Variants in SYTL3 observed in about 807,000 individuals in gnomAD.
SYTL3 encodes synaptotagmin-like protein 3.
Under a neutral mutation model 82.1 loss-of-function variants are expected in SYTL3, and 88 were observed. That is an observed-to-expected ratio of 1.07 (90% CI 0.90 to 1.28). The LOEUF (loss-of-function observed/expected upper bound fraction) is 1.28. Ranked by LOEUF, SYTL3 falls within the 50% of genes most tolerant of loss-of-function variation. The pLI is 0.00. For synonymous variants in SYTL3, 311 were observed against 289.4 expected (o/e 1.07, Z -0.76); for missense variants, 831 against 757.6 (o/e 1.10, Z -1.14).
intron 2 of SYTL3, among the ~76,000 whole-genome samples, chr6:158,652,380 C>T (rs1012769869): frequency 6.6e-6 from 1 of 152,116 alleles, no homozygotes; most frequent in Non-Finnish European, 1.5e-5. Context: ...TCCGAAGTAG[C>T]TGGGACTATA....
chr6:158,758,312 C>T (rs1448663562), intron 14 of SYTL3, among the ~76,000 whole-genome samples: 1 of 152,106 alleles, frequency 6.6e-6, no homozygotes, highest in Non-Finnish European at 1.5e-5. Flanking sequence ...GTGGTGCACG[C>T]CTGTAGTCCC....
chr6:158,702,926 G>A (rs981706286), intron 6 of SYTL3, among the ~76,000 whole-genome samples: 3 of 151,884 alleles, frequency 2.0e-5, no homozygotes, highest in Admixed American at 6.6e-5. Context: ...AGGCCGAGGC[G>A]GACGAATCAC....
At chr6:158,680,575 C>CAAAA (rs71297002) in intron 5 of SYTL3, among the ~76,000 whole-genome samples, 19,022 of 77,878 alleles carry the variant, frequency 0.24, 1,768 homozygotes, top group Middle Eastern at 0.31. Flanking sequence ...CCCGTCTCTA[C>CAAAA]AAAAAAAAAA....
At chr6:158,700,829 G>A (rs1030303921) in intron 6 of SYTL3, among the ~76,000 whole-genome samples, 2 of 152,094 alleles carry the variant, frequency 1.3e-5, no homozygotes, top group African/African-American at 4.8e-5. Flanking sequence ...TGTTAGCCAG[G>A]ATGGTCTCGA....
chr6:158,764,669 C>A lies in SYTL3; in HGVS notation c.*65C>A, dbSNP rs562298559. 8.4e-7 allele frequency: 1 copy of A among 1,192,882 alleles called. No individual in the cohort carries two copies. Among genetic ancestry groups the A allele is most frequent in the African/African-American group, 1.5e-5 (1 of 66,890 alleles). The allele number at this position is 1,192,882 out of a possible 1,614,324, so 73.9% of individuals were successfully genotyped here. Reference sequence around the variant, plus strand: ...GCACTGTGCGTCTGCAGAGGGGCTACGAACCAGGTGCAGGGTCCCAGCTGG... The same window carrying A: ...GCACTGTGCGTCTGCAGAGGGGCTAAGAACCAGGTGCAGGGTCCCAGCTGG... On this transcript the variant is annotated 3_prime_UTR_variant, in exon 18 of 18. Transcript: ENST00000611299.
intron 11 of SYTL3, among the ~76,000 whole-genome samples, chr6:158,729,167 T>C (rs912066985): frequency 6.6e-6 from 1 of 152,250 alleles, no homozygotes; most frequent in South Asian, 2.1e-4. Flanking sequence ...TTAACACTTG[T>C]GTTAGTCCAT....
chr6:158,674,093 A>ATAATAG (rs1265136957), intron 5 of SYTL3, among the ~76,000 whole-genome samples: 1 of 119,724 alleles, frequency 8.4e-6, no homozygotes, highest in Non-Finnish European at 1.6e-5. Flanking sequence ...CAAAATAATA[A>ATAATAG]TAATAATAAT....
chr6:158,736,946 T>C (rs1786256076), intron 11 of SYTL3, among the ~76,000 whole-genome samples: 2 of 151,984 alleles, frequency 1.3e-5, no homozygotes, highest in Admixed American at 6.6e-5. Flanking sequence ...GGCGATGTTA[T>C]TTTTCTTAAG....
intron 6 of SYTL3, among the ~76,000 whole-genome samples, chr6:158,693,849 T>A (rs117524645): frequency 0.014 from 1,024 of 75,694 alleles, 7 homozygotes; most frequent in South Asian, 0.019. Context: ...CCTTTCTTTT[T>A]CTTTTCTTTT....
chr6:158,724,512 C>T (rs1409080444), intron 10 of SYTL3, among the ~76,000 whole-genome samples: 2 of 152,258 alleles, frequency 1.3e-5, no homozygotes, highest in East Asian at 1.9e-4. Flanking sequence ...CCACCTTGCC[C>T]ATTGTGTTCC....
chr6:158,680,575 C>CAA (rs71297002), intron 5 of SYTL3, among the ~76,000 whole-genome samples: 3,106 of 78,178 alleles, frequency 0.04, 230 homozygotes, highest in African/African-American at 0.12. Flanking sequence ...CCCGTCTCTA[C>CAA]AAAAAAAAAA....
At chr6:158,672,864 G>A (rs1176044113) in intron 5 of SYTL3, among the ~76,000 whole-genome samples, 1 of 151,884 alleles carries the variant, frequency 6.6e-6, no homozygotes, top group Admixed American at 6.6e-5. Flanking sequence ...CAAACTCCTG[G>A]CCTCAAGTGA....
rs1429563288 is a variant in SYTL3 at position 158,760,717 on chromosome 6, G to A, written c.1386G>A (p.Arg462=). 1 of 1,614,058 alleles carries A rather than the reference G, an allele frequency of 6.2e-7. No individual in the cohort carries two copies. The highest frequency in any genetic ancestry group is 1.3e-5 in the African/African-American group (1 of 75,022). Residue 462 remains arginine (R), a synonymous_variant, in exon 15 of 18, where the codon CGG becomes CGA. Transcript: ENST00000611299. The part of the protein sequence containing the change: ...TVRAKLVLPS[R]PRKLQEAQEG... ...GGGCTAAGCTGGTTCTCCCTTCACG[G>A]CCCAGAAAACTCCAAGAGGCTCAAG... is the stretch of plus-strand genomic sequence containing the variant.
chr6:158,701,451 T>C (rs1781263194), intron 6 of SYTL3, among the ~76,000 whole-genome samples: 1 of 146,666 alleles, frequency 6.8e-6, no homozygotes, highest in African/African-American at 2.5e-5. Context: ...TGGAGGAGTG[T>C]GAGCTGGGGT....
Position 158,751,481 on chromosome 6 carries a change from CTT to C in SYTL3, c.1035-445_1035-444del, listed in dbSNP as rs747018331. ...TCTCAGCGGTTGGGAGGAGCAGAGTCTTTGAGGCCCCTGCAAGGAAACAGCAC... is the reference window on the plus strand; with the variant it reads ...TCTCAGCGGTTGGGAGGAGCAGAGTCTGAGGCCCCTGCAAGGAAACAGCAC... On this transcript the variant is annotated intron_variant, in intron 12 of 17. Coordinates refer to ENST00000611299, the MANE Select transcript of SYTL3 (RefSeq NM_001242394.2). Among the ~76,000 whole-genome samples the C allele has an allele frequency of 1.1e-4, 16 of 152,184 alleles. 1 individual carries two copies. The East Asian group carries it at 1.5e-3, about 15-fold the overall frequency.
chr6:158,658,943 A>T (rs1054281792), intron 2 of SYTL3, among the ~76,000 whole-genome samples: 4 of 152,166 alleles, frequency 2.6e-5, no homozygotes, highest in Admixed American at 2.6e-4. Flanking sequence ...AAAAGAGGGT[A>T]TGTCTCAATC....
chr6:158,714,988 G>C (rs769261001), intron 9 of SYTL3, among the ~76,000 whole-genome samples: 4 of 152,174 alleles, frequency 2.6e-5, no homozygotes, highest in Non-Finnish European at 5.9e-5. Flanking sequence ...AATTTCATGG[G>C]CCTGTTTGCT....
rs572624322 is a variant in SYTL3 at position 158,746,894 on chromosome 6, T to C, written c.1034+1236T>C. ...ATCTTGAACTCTCAGACTCAAGCAG[T>C]TCTCCCACCTCAGCCTCCCAAAATG... On this transcript the variant is annotated intron_variant, in intron 12 of 17. Coordinates refer to ENST00000611299, the MANE Select transcript of SYTL3 (RefSeq NM_001242394.2). Among the ~76,000 whole-genome samples the C allele has an allele frequency of 8.9e-4, 136 of 152,230 alleles. 1 individual carries two copies. In the South Asian group the frequency reaches 0.022, roughly 24 times the overall value.
chr6:158,646,359 G>A (rs1408961447), upstream of SYTL3, among the ~76,000 whole-genome samples: 1 of 152,130 alleles, frequency 6.6e-6, no homozygotes, highest in East Asian at 1.9e-4. Flanking sequence ...TTGTAGAGAT[G>A]GGATCTCACT....
Sources: gnomAD v4.1 joint callset for allele counts (sites outside exome capture counted in the v4.1 genomes callset) on GRCh38, gnomAD v4.1.1 for gene constraint, MANE v1.5 for transcripts, NCBI Gene and HGNC (gene_info 2026-07-23, HGNC 2026-07-21) for gene names.